The following CTNNA3 variants were observed in gnomAD, a reference collection of about 807,000 sequenced individuals.
CTNNA3 encodes catenin alpha-3.
CTNNA3 carries 76 observed loss-of-function variants against 95.7 expected under a neutral mutation model. The observed-to-expected ratio is 0.79, with a 90% CI of 0.66 to 0.96. The LOEUF is 0.96. Among genes scored for constraint, CTNNA3 ranks in the 40% least tolerant of loss-of-function variants. The pLI is 0.00. For missense variants in CTNNA3, 1,191 were observed against 1,089.8 expected, an observed-to-expected ratio of 1.09 and a Z score of -1.31; for synonymous variants, 431 against 374.4, an observed-to-expected ratio of 1.15 and a Z score of -1.74.
chr10:67,701,882 T>C (rs1274874770), intron 1 of CTNNA3, among the ~76,000 whole-genome samples: 5 of 151,894 alleles, frequency 3.3e-5, no homozygotes, highest in African/African-American at 1.2e-4. Context: ...AGGAAACCCA[T>C]CTCACGAGCA....
At chr10:66,689,582 T>C (rs1026625334) in intron 9 of CTNNA3, among the ~76,000 whole-genome samples, 1 of 152,172 alleles carries the variant, frequency 6.6e-6, no homozygotes, top group Non-Finnish European at 1.5e-5. Context: ...AATATTATGG[T>C]CAGTTTTCTA....
At chr10:66,192,864 G>T (rs976096221) in intron 13 of CTNNA3, among the ~76,000 whole-genome samples, 1 of 152,020 alleles carries the variant, frequency 6.6e-6, no homozygotes, top group Admixed American at 6.6e-5. Context: ...AATTATGCTT[G>T]GTTTGTGTGA....
At chr10:67,216,259 G>A (rs866685530) in intron 6 of CTNNA3, among the ~76,000 whole-genome samples, 11 of 152,054 alleles carry the variant, frequency 7.2e-5, no homozygotes, top group Admixed American at 2.0e-4. Flanking sequence ...GACTAAGGCT[G>A]GACAGCTGCT....
chr10:66,540,983 G>T (rs116411306), intron 10 of CTNNA3, among the ~76,000 whole-genome samples: 2,014 of 152,002 alleles, frequency 0.013, 45 homozygotes, highest in African/African-American at 0.046. Flanking sequence ...AAAAGTCAAA[G>T]TATAGCAATC....
chr10:67,199,610 C>A (rs12244004), intron 6 of CTNNA3, among the ~76,000 whole-genome samples: 4,035 of 152,084 alleles, frequency 0.027, 128 homozygotes, highest in African/African-American at 0.087. Flanking sequence ...ACCTCATATT[C>A]CACCCACCTC....
intron 13 of CTNNA3, among the ~76,000 whole-genome samples, chr10:66,155,977 T>G (rs1373226942): frequency 6.6e-6 from 1 of 151,792 alleles, no homozygotes; most frequent in African/African-American, 2.4e-5. Context: ...AAAAGACACT[T>G]TATCAAAGAA....
At chr10:66,223,769 T>C (rs2089104556) in intron 13 of CTNNA3, among the ~76,000 whole-genome samples, 1 of 152,176 alleles carries the variant, frequency 6.6e-6, no homozygotes, top group Non-Finnish European at 1.5e-5. Flanking sequence ...CCAGATAAAA[T>C]ATTCTTTCTG....
intron 15 of CTNNA3, among the ~76,000 whole-genome samples, chr10:66,007,722 C>CTT (rs1589242133): frequency 1.4e-5 from 2 of 143,292 alleles, no homozygotes; most frequent in East Asian, 4.1e-4. Context: ...CCCTCCCTCC[C>CTT]TCCCTTTCTT....
chr10:66,093,954 A>T (rs2081300875), intron 14 of CTNNA3, among the ~76,000 whole-genome samples: 1 of 152,122 alleles, frequency 6.6e-6, no homozygotes, highest in African/African-American at 2.4e-5. Context: ...GTGCTAAAAG[A>T]AGACAACATG....
chr10:66,113,672 T>C (rs2082202790), intron 13 of CTNNA3, among the ~76,000 whole-genome samples: 1 of 152,204 alleles, frequency 6.6e-6, no homozygotes, highest in Non-Finnish European at 1.5e-5. Context: ...TTATGATAGG[T>C]TTAGCAAGGT....
At chr10:67,483,692 G>A (rs1848332228) in intron 5 of CTNNA3, among the ~76,000 whole-genome samples, 1 of 150,736 alleles carries the variant, frequency 6.6e-6, no homozygotes, top group Non-Finnish European at 1.5e-5. Context: ...ACACCAGCAT[G>A]GCACATGTAT....
At chr10:67,405,404 A>G (rs751478372) in intron 5 of CTNNA3, among the ~76,000 whole-genome samples, 4 of 152,142 alleles carry the variant, frequency 2.6e-5, no homozygotes, top group African/African-American at 4.8e-5. Context: ...CCTAGCATCT[A>G]ACAAAAAAAG....
intron 7 of CTNNA3, among the ~76,000 whole-genome samples, chr10:66,966,188 T>TA (rs958141430): frequency 2.6e-5 from 4 of 151,976 alleles, no homozygotes; most frequent in African/African-American, 9.7e-5. Context: ...TTACATATTT[T>TA]AACCATCAGC....
At chr10:66,735,046 C>T (rs4288663) in intron 9 of CTNNA3, among the ~76,000 whole-genome samples, 11,794 of 151,306 alleles carry the variant, frequency 0.078, 716 homozygotes, top group East Asian at 0.23. Flanking sequence ...ATTGATAAAA[C>T]AATATTTTTT....
At chr10:66,919,520 T>C (rs996805641) in intron 7 of CTNNA3, among the ~76,000 whole-genome samples, 2 of 152,166 alleles carry the variant, frequency 1.3e-5, no homozygotes, top group Non-Finnish European at 2.9e-5. Flanking sequence ...TGCATAAATG[T>C]ATCTTCAGGT....
intron 17 of CTNNA3, among the ~76,000 whole-genome samples, chr10:65,954,454 C>A (rs2077688834): frequency 6.6e-6 from 1 of 152,150 alleles, no homozygotes; most frequent in Admixed American, 6.5e-5. Flanking sequence ...GTCATGAAGT[C>A]CTTGCCCGTG....
intron 15 of CTNNA3, among the ~76,000 whole-genome samples, chr10:66,027,521 C>T (rs72791450): frequency 0.081 from 12,318 of 152,154 alleles, 551 homozygotes; most frequent in Admixed American, 0.11. Context: ...GGTAATTTTT[C>T]ATCTTGTGAA....
chr10:67,146,541 T>C (rs1414084735), intron 7 of CTNNA3, among the ~76,000 whole-genome samples: 3 of 152,094 alleles, frequency 2.0e-5, no homozygotes, highest in Non-Finnish European at 4.4e-5. Flanking sequence ...ATAAATGAAA[T>C]TGTTCAAAAA....
chr10:66,949,949 A>C (rs1024420713), intron 7 of CTNNA3, among the ~76,000 whole-genome samples: 5 of 152,180 alleles, frequency 3.3e-5, no homozygotes, highest in African/African-American at 1.2e-4. Context: ...AAAACTTGTC[A>C]CTTCACAGCT....
Sources: gnomAD v4.1 joint callset for allele counts (sites outside exome capture counted in the v4.1 genomes callset) on GRCh38, gnomAD v4.1.1 for gene constraint, MANE v1.5 for transcripts, NCBI Gene and HGNC (gene_info 2026-07-23, HGNC 2026-07-21) for gene names.